The following MGAT4A variants were observed in gnomAD, a reference collection of about 807,000 sequenced individuals.
The protein encoded by MGAT4A is alpha-1,3-mannosyl-glycoprotein 4-beta-N-acetylglucosaminyltransferase A, also known as N-acetylglucosaminyltransferase IVa.
Under a neutral mutation model 74.1 loss-of-function variants are expected in MGAT4A, and 33 were observed. The observed-to-expected ratio is 0.45, with a 90% CI of 0.34 to 0.60. The LOEUF (loss-of-function observed/expected upper bound fraction) is 0.60. MGAT4A is among the 20% of genes least tolerant of loss of function. The pLI, the probability that MGAT4A is intolerant of heterozygous loss-of-function variation, is 0.02. For synonymous variants in MGAT4A, 198 were observed against 210.4 expected, an observed-to-expected ratio of 0.94 and a Z score of 0.51; for missense variants, 479 against 628.3, an observed-to-expected ratio of 0.76 and a Z score of 2.54.
chr2:98,631,572 A>G (rs1701233525), intron 14 of MGAT4A, among the ~76,000 whole-genome samples: 1 of 152,214 alleles, frequency 6.6e-6, no homozygotes. Flanking sequence ...CGGGCGGAAG[A>G]GCACACCCGC....
Position 98,620,801 on chromosome 2 carries a change from T to C in MGAT4A, c.*4765A>G, listed in dbSNP as rs2104200980. The C allele has an allele frequency of 6.6e-6, 1 of 152,334 alleles. No individual in the cohort carries two copies. Among genetic ancestry groups the C allele is most frequent in the South Asian group, 2.1e-4 (1 of 4,832 alleles). The allele number at this position is 152,334 out of a possible 1,614,324, so 9.4% of individuals were successfully genotyped here. A position where few individuals can be genotyped will look rare whatever the true frequency, so the allele number is the denominator to read the frequency against. On this transcript the variant is annotated 3_prime_UTR_variant, in exon 16 of 16. Coordinates refer to ENST00000393487, the MANE Select transcript of MGAT4A (RefSeq NM_012214.3). Reference sequence around the variant, plus strand: ...AGGCTCAGAGCAGTCTAAATCAGTATAAAGTAACACCTCTTCTAGAAATAA... The same window carrying C: ...AGGCTCAGAGCAGTCTAAATCAGTACAAAGTAACACCTCTTCTAGAAATAA...
chr2:98,626,510 A>G (rs1701145948), intron 14 of MGAT4A, among the ~76,000 whole-genome samples: 1 of 152,190 alleles, frequency 6.6e-6, no homozygotes. Flanking sequence ...TGACAAGAAA[A>G]TGGTTCATTG....
At chr2:98,665,023 T>C (rs1291602791) in intron 4 of MGAT4A, among the ~76,000 whole-genome samples, 1 of 152,172 alleles carries the variant, frequency 6.6e-6, no homozygotes, top group Non-Finnish European at 1.5e-5. Context: ...AAAATACTTA[T>C]AATTCACAGA....
intron 8 of MGAT4A, among the ~76,000 whole-genome samples, chr2:98,652,621 G>A (rs1187161558): frequency 2.0e-5 from 3 of 151,756 alleles, no homozygotes; most frequent in Admixed American, 6.6e-5. Flanking sequence ...GTGGGCCACC[G>A]TGCCCAGCCA....
At chr2:98,650,565 A>G (rs1446584817) in intron 8 of MGAT4A, among the ~76,000 whole-genome samples, 1 of 152,230 alleles carries the variant, frequency 6.6e-6, no homozygotes. Flanking sequence ...ATTATAGGCT[A>G]GAAGAGGGTG....
At chr2:98,667,297 A>G (rs6730028) in intron 4 of MGAT4A, among the ~76,000 whole-genome samples, 120,670 of 152,130 alleles carry the variant, frequency 0.79, 48,867 homozygotes, top group African/African-American at 0.95. Flanking sequence ...AGAGTGGGGC[A>G]CTGCCGAAAA....
intron 2 of MGAT4A, among the ~76,000 whole-genome samples, chr2:98,689,160 G>A (rs1473064842): frequency 6.6e-6 from 1 of 152,104 alleles, no homozygotes; most frequent in Non-Finnish European, 1.5e-5. Context: ...TCATCTTTCA[G>A]GATAGCATAA....
intron 4 of MGAT4A, among the ~76,000 whole-genome samples, chr2:98,667,248 C>T (rs989804917): frequency 2.0e-5 from 3 of 152,142 alleles, no homozygotes; most frequent in Admixed American, 2.0e-4. Context: ...TCTTTATCAG[C>T]AGCATGAAAA....
At chr2:98,710,667 C>G (rs1019625186) in intron 2 of MGAT4A, among the ~76,000 whole-genome samples, 1 of 152,076 alleles carries the variant, frequency 6.6e-6, no homozygotes, top group South Asian at 2.1e-4. Flanking sequence ...GGGAGGCGGA[C>G]AGTTCACCAT....
intron 2 of MGAT4A, among the ~76,000 whole-genome samples, chr2:98,713,185 C>CA (rs139508612): frequency 0.026 from 1,419 of 53,924 alleles, 39 homozygotes; most frequent in Non-Finnish European, 0.032. Flanking sequence ...GATCATGTCT[C>CA]AAAAAAAAAA....
At chr2:98,643,555 G>A (rs752807976) in intron 10 of MGAT4A, among the ~76,000 whole-genome samples, 4 of 151,842 alleles carry the variant, frequency 2.6e-5, no homozygotes, top group Non-Finnish European at 2.9e-5. Flanking sequence ...GTCTAATATC[G>A]TCCCCAGTAT....
chr2:98,675,133 GATT>G lies in MGAT4A; in HGVS notation c.302_304del (p.Lys101_Ser102delinsThr). 1 of 1,611,158 alleles carries G rather than the reference GATT, an allele frequency of 6.2e-7. No homozygotes were observed. The highest frequency in any genetic ancestry group is 8.5e-7 in the Non-Finnish European group (1 of 1,178,310). The stretch of plus-strand genomic sequence containing the variant: ...ATAATAAATACTTGGCACTTGAAGA[GATT>G]TTTTGCTTGTTAACTCCTTTAACAG... On this transcript the variant is annotated inframe_deletion, in exon 4 of 16. Coordinates refer to ENST00000393487, the MANE Select transcript of MGAT4A (RefSeq NM_012214.3).
chr2:98,629,186 T>C (rs1701189331), intron 14 of MGAT4A, among the ~76,000 whole-genome samples: 1 of 152,212 alleles, frequency 6.6e-6, no homozygotes, highest in Non-Finnish European at 1.5e-5. Context: ...GCTGACCACA[T>C]GCTGTTACAT....
At chr2:98,644,082 C>A in intron 9 of MGAT4A, 29 bp from the exon 10 acceptor site, 1 of 1,529,360 alleles carries the variant, frequency 6.5e-7, no homozygotes, top group Non-Finnish European at 8.9e-7. Context: ...TCAATAGCTG[C>A]AATGAAGAAA....
intron 7 of MGAT4A, chr2:98,656,090 T>C: frequency 5.2e-6 from 2 of 382,498 alleles, no homozygotes; most frequent in Non-Finnish European, 9.4e-6. Context: ...AGTGAATTCC[T>C]GGTAGCCTAC....
At chr2:98,690,503 C>T (rs1002329581) in intron 2 of MGAT4A, among the ~76,000 whole-genome samples, 1 of 152,054 alleles carries the variant, frequency 6.6e-6, no homozygotes, top group African/African-American at 2.4e-5. Context: ...TGGCACAGCC[C>T]GTACCCTCCC....
intron 14 of MGAT4A, among the ~76,000 whole-genome samples, chr2:98,633,143 CA>C (rs568850022): frequency 6.6e-6 from 1 of 152,350 alleles, no homozygotes; most frequent in South Asian, 2.1e-4. Context: ...CAAGTATTCT[CA>C]CCCTGCTGTG....
chr2:98,634,979 T>C (rs1373710831), intron 14 of MGAT4A, among the ~76,000 whole-genome samples: 1 of 151,950 alleles, frequency 6.6e-6, no homozygotes, highest in Non-Finnish European at 1.5e-5. Flanking sequence ...AGACTCTCTA[T>C]CAGGGAGCAT....
At chr2:98,647,429 C>T (rs1701506004) in intron 8 of MGAT4A, among the ~76,000 whole-genome samples, 1 of 152,156 alleles carries the variant, frequency 6.6e-6, no homozygotes, top group South Asian at 2.1e-4. Context: ...ATTCTCCTGC[C>T]TCAGCCTCCC....
Sources: allele counts gnomAD v4.1 joint callset (sites outside exome capture counted in the v4.1 genomes callset), GRCh38; gene constraint gnomAD v4.1.1; transcripts MANE v1.5; gene names NCBI Gene and HGNC (gene_info 2026-07-23, HGNC 2026-07-21).